The following IGDCC4 variants were observed in gnomAD, a reference collection of about 807,000 sequenced individuals.
IGDCC4 encodes likely ortholog of mouse neighbor of Punc E11.
Under a neutral mutation model 116.6 loss-of-function variants are expected in IGDCC4, and 72 were observed. The observed-to-expected ratio is 0.62, with a 90% CI of 0.51 to 0.75. The LOEUF (loss-of-function observed/expected upper bound fraction) is 0.75. Ranked by LOEUF, IGDCC4 falls within the 30% of genes least tolerant of loss-of-function variation. The pLI is 0.00. For missense variants in IGDCC4, 1,501 were observed against 1,662.4 expected, an observed-to-expected ratio of 0.90 and a Z score of 1.69; for synonymous variants, 709 against 719.9, an observed-to-expected ratio of 0.98 and a Z score of 0.24.
At chr15:65,397,518 T>C (rs2062939384) in intron 5 of IGDCC4, among the ~76,000 whole-genome samples, 1 of 152,190 alleles carries the variant, frequency 6.6e-6, no homozygotes, top group Non-Finnish European at 1.5e-5. Flanking sequence ...CTTCATGTCA[T>C]CAAAGAAAGG....
chr15:65,410,352 A>G (rs770042815), intron 2 of IGDCC4, 33 bp from the exon 3 acceptor site: 1 of 1,613,050 alleles, frequency 6.2e-7, no homozygotes, highest in Admixed American at 1.7e-5. Flanking sequence ...AGGGACGGGA[A>G]AAGAATAGGA....
intron 5 of IGDCC4, among the ~76,000 whole-genome samples, chr15:65,398,533 C>CAAAAAAAAAAA (rs3082803): frequency 2.6e-5 from 2 of 77,642 alleles, no homozygotes; most frequent in African/African-American, 9.6e-5. Context: ...AACTCCATCT[C>CAAAAAAAAAAA]AAAAAAAAAA....
intron 1 of IGDCC4, among the ~76,000 whole-genome samples, chr15:65,413,345 G>A (rs1187552383): frequency 3.3e-5 from 5 of 152,134 alleles, no homozygotes; most frequent in Admixed American, 3.3e-4. Flanking sequence ...ATTTCCCCAA[G>A]GCCATGCAGG....
At chr15:65,390,064 C>A in intron 13 of IGDCC4, 91 bp downstream of exon 13, 1 of 1,169,862 alleles carries the variant, frequency 8.5e-7, no homozygotes, top group Non-Finnish European at 1.2e-6. Flanking sequence ...TCCCAGGGGC[C>A]CTTCCCTGAT....
chr15:65,391,363 C>T (rs945722550), intron 12 of IGDCC4, among the ~76,000 whole-genome samples: 21 of 152,168 alleles, frequency 1.4e-4, no homozygotes, highest in Admixed American at 1.3e-4. Context: ...GGCCACAAGG[C>T]AGTGTAGTGC....
At chr15:65,417,553 C>T (rs940406201) in intron 1 of IGDCC4, among the ~76,000 whole-genome samples, 2 of 152,186 alleles carry the variant, frequency 1.3e-5, no homozygotes, top group African/African-American at 4.8e-5. Flanking sequence ...CCTTTTTCTG[C>T]CCCGTAGAAC....
At chr15:65,417,261 A>G in intron 1 of IGDCC4, among the ~76,000 whole-genome samples, 1 of 151,924 alleles carries the variant, frequency 6.6e-6, no homozygotes, top group Non-Finnish European at 1.5e-5. Context: ...CCTCCCCCCA[A>G]CAGCTGGAAG....
Position 65,411,222 on chromosome 15 carries a change from G to T in IGDCC4, c.219C>A (p.Ser73Arg). ...GCTCCAGCAGGGTGTCCCCATCCTT[G>T]CTCCAGGTCACCCTGGTGGGGGGTC... ...AAGPPTRVTW[S>R]KDGDTLLEHD... is the part of the protein sequence containing the mutation. The change falls in exon 2 of 20, where the codon AGC becomes AGA. Residue 73 changes from serine (S) to arginine (R), a missense_variant. Physicochemically the swap from Ser to Arg is moderately radical, Grantham distance 110 (BLOSUM62 -1). Coordinates refer to ENST00000352385, the MANE Select transcript of IGDCC4 (RefSeq NM_020962.3). The T allele has an allele frequency of 6.2e-7, 1 of 1,614,158 alleles. No homozygotes were observed. Among genetic ancestry groups the T allele is most frequent in the Non-Finnish European group, 8.5e-7 (1 of 1,180,020 alleles).
In IGDCC4 at chr15:65,393,276, A is replaced by G. The variant is rs966027891; in HGVS notation, c.1885+85T>C. On this transcript the variant is annotated intron_variant, in intron 10 of 19. Coordinates refer to ENST00000352385, the MANE Select transcript of IGDCC4 (RefSeq NM_020962.3). This position sits in a 1 kb window ranked among gnomAD's most constrained non-coding sequence, Gnocchi z 4.6. ...AAGGTCTCTGATGGAGGGCGGGGCC[A>G]GGGGGTGGGGCGCTGGGTCCCAAGG... The G allele has an allele frequency of 2.1e-6, 3 of 1,405,436 alleles. No individual in the cohort carries two copies. Among genetic ancestry groups the G allele is most frequent in the East Asian group, 2.7e-5 (1 of 37,410 alleles). The allele number at this position is 1,405,436 out of a possible 1,614,324, so 87.1% of individuals were successfully genotyped here.
chr15:65,392,621 G>T lies in IGDCC4; in HGVS notation c.1886-251C>A, dbSNP rs572215541. On this transcript the variant is annotated intron_variant, in intron 10 of 19. Transcript: ENST00000352385. Reference sequence around the variant, plus strand: ...GAGTGCAGGGAATGCAGGGGTGTCCGCTGGGCATTTGCAAAGGGGTCAGCA... The same window carrying T: ...GAGTGCAGGGAATGCAGGGGTGTCCTCTGGGCATTTGCAAAGGGGTCAGCA... Among the ~76,000 whole-genome samples, 3 of 152,240 alleles carry T rather than the reference G, an allele frequency of 2.0e-5. No homozygotes were observed. In the East Asian group the frequency reaches 5.8e-4, roughly 29 times the overall value.
At chr15:65,416,241 C>T (rs2063142717) in intron 1 of IGDCC4, among the ~76,000 whole-genome samples, 2 of 141,958 alleles carry the variant, frequency 1.4e-5, no homozygotes, top group African/African-American at 2.7e-5. Flanking sequence ...GGGTTCGAGA[C>T]ATTCTCCTGC....
At chr15:65,404,671 G>GCGAATGAA (rs112459433) in intron 3 of IGDCC4, among the ~76,000 whole-genome samples, 1 of 151,108 alleles carries the variant, frequency 6.6e-6, no homozygotes, top group Non-Finnish European at 1.5e-5. Flanking sequence ...ATGTGATTGA[G>GCGAATGAA]TGAATGAATG....
At chr15:65,399,869 T>C (rs1447163977) in intron 5 of IGDCC4, among the ~76,000 whole-genome samples, 1 of 152,228 alleles carries the variant, frequency 6.6e-6, no homozygotes, top group East Asian at 1.9e-4. Flanking sequence ...TAAAAAGAAC[T>C]GGATTTAAAA....
At chr15:65,411,923 A>T (rs1165183412) in intron 1 of IGDCC4, among the ~76,000 whole-genome samples, 2 of 152,212 alleles carry the variant, frequency 1.3e-5, no homozygotes, top group Non-Finnish European at 2.9e-5. Context: ...TGGTTGCACA[A>T]CGTTGTGAAT....
At chr15:65,410,851 T>C in intron 2 of IGDCC4, 169 bp downstream of exon 2, 1 of 599,638 alleles carries the variant, frequency 1.7e-6, no homozygotes, top group Non-Finnish European at 2.9e-6. Context: ...TACCCAAGAA[T>C]GAGGATAGAC....
rs555725309 is a variant in IGDCC4, at chr15:65,416,253, T to C, written c.71-4883A>G. The stretch of plus-strand genomic sequence containing the variant: ...CCCGGGTTCGAGACATTCTCCTGCC[T>C]CAGCCTCCCGAGTAGCTGGGACTGC... On this transcript the variant is annotated intron_variant, in intron 1 of 19. Coordinates refer to ENST00000352385, the MANE Select transcript of IGDCC4 (RefSeq NM_020962.3). Among the ~76,000 whole-genome samples, 23 of 141,446 alleles carry C rather than the reference T, an allele frequency of 1.6e-4. No homozygotes were observed. The East Asian group carries it at 4.7e-3, about 29-fold the overall frequency. 92.8% of individuals were successfully genotyped at this position (141,446 alleles called of 152,430 possible). A position where few individuals can be genotyped will look rare whatever the true frequency, so the allele number is the denominator to read the frequency against.
At chr15:65,394,671 G>T in intron 8 of IGDCC4, 123 bp from the exon 9 acceptor site, 1 of 936,424 alleles carries the variant, frequency 1.1e-6, no homozygotes, top group Non-Finnish European at 1.6e-6. Context: ...CAGGATCTGA[G>T]GGAGGAAAGG....
chr15:65,397,053 G>A (rs1463660347), intron 5 of IGDCC4, 64 bp from the exon 6 acceptor site: 3 of 1,524,636 alleles, frequency 2.0e-6, no homozygotes, highest in Non-Finnish European at 2.7e-6. Flanking sequence ...TTCAGTCTCC[G>A]AACCTCAGGA....
chr15:65,409,189 G>A (rs1350892826), intron 3 of IGDCC4, among the ~76,000 whole-genome samples: 1 of 151,956 alleles, frequency 6.6e-6, no homozygotes, highest in Non-Finnish European at 1.5e-5. Context: ...ACTGTCCTGT[G>A]GCTTTTCTAC....
Sources: gnomAD v4.1 joint callset for allele counts (sites outside exome capture counted in the v4.1 genomes callset) on GRCh38, gnomAD v4.1.1 for gene constraint, Gnocchi (gnomAD v3.1) non-coding constraint, MANE v1.5 for transcripts, NCBI Gene and HGNC (gene_info 2026-07-23, HGNC 2026-07-21) for gene names.